The following EHF variants were observed in gnomAD, a reference collection of about 807,000 sequenced individuals.
EHF encodes the protein ETS homologous factor.
In EHF, 14 loss-of-function variants were observed where a neutral mutation model predicts 45.1. The observed-to-expected ratio is 0.31, with a 90% CI of 0.21 to 0.49. The LOEUF is 0.49. Among genes scored for constraint, EHF ranks in the 20% least tolerant of loss-of-function variants. EHF has a pLI of 0.99. For missense variants in EHF, 282 were observed against 371.4 expected, an observed-to-expected ratio of 0.76 and a Z score of 1.98; for synonymous variants, 136 against 131.8, an observed-to-expected ratio of 1.03 and a Z score of -0.22.
chr11:34,655,884 G>A (rs1448450308), intron 6 of EHF, among the ~76,000 whole-genome samples: 1 of 152,120 alleles, frequency 6.6e-6, no homozygotes, highest in Admixed American at 6.5e-5. Flanking sequence ...GGCCCTTGAA[G>A]GCCACACTGG....
chr11:34,648,199 T>A (rs1158881528), intron 3 of EHF, among the ~76,000 whole-genome samples: 2 of 152,198 alleles, frequency 1.3e-5, no homozygotes, highest in African/African-American at 4.8e-5. Context: ...ATTAATTCAT[T>A]TAATAACTTT....
At chr11:34,628,514 A>C (rs1852576257) in intron 1 of EHF, among the ~76,000 whole-genome samples, 1 of 152,246 alleles carries the variant, frequency 6.6e-6, no homozygotes, top group Non-Finnish European at 1.5e-5. Context: ...ACTTCTGAAC[A>C]GCGCCAGTTG....
At position 34,646,588 on chromosome 11, in the gene EHF, G is replaced by A. The variant is rs752129352; in HGVS notation, c.247G>A (p.Glu83Lys). 9.3e-6 allele frequency: 15 copies of A among 1,613,586 alleles called. No homozygotes were observed. Among genetic ancestry groups the A allele is most frequent in the East Asian group, 2.2e-5 (1 of 44,886 alleles). The change falls in exon 3 of 9, where the codon GAG becomes AAG. Residue 83 changes from glutamate to lysine, a missense_variant. By Grantham distance (56) the Glu-to-Lys change is moderately conservative. Transcript: ENST00000257831. Reference protein sequence around the residue: ...IPFQEFDINGEHLCSMSLQEF... With the variant: ...IPFQEFDINGKHLCSMSLQEF... ...TTTCCAAGAGTTCGACATCAACGGCGAGCACCTCTGCAGCATGAGTTTGCA... is the reference window on the plus strand; with the variant it reads ...TTTCCAAGAGTTCGACATCAACGGCAAGCACCTCTGCAGCATGAGTTTGCA...
chr11:34,628,523 TGATA>T (rs1483830121), intron 1 of EHF, among the ~76,000 whole-genome samples: 1 of 152,170 alleles, frequency 6.6e-6, no homozygotes, highest in Non-Finnish European at 1.5e-5. Context: ...CAGCGCCAGT[TGATA>T]GATGTTCTCT....
chr11:34,637,067 A>G (rs2134057087), intron 1 of EHF, among the ~76,000 whole-genome samples: 1 of 149,758 alleles, frequency 6.7e-6, no homozygotes, highest in East Asian at 2.0e-4. Flanking sequence ...CGGCACTACT[A>G]GGCTGCTTTT....
intron 2 of EHF, 97 bp from the exon 3 acceptor site, chr11:34,646,342 C>T: frequency 6.4e-7 from 1 of 1,564,812 alleles, no homozygotes; most frequent in South Asian, 1.2e-5. Context: ...GTGGTTGTGT[C>T]TCTGAGATAT....
At position 34,630,329 on chromosome 11, in the gene EHF, C is replaced by T. The variant is rs1852758886; in HGVS notation, c.-4+9101C>T. On this transcript the variant is annotated intron_variant, in intron 1 of 8. Coordinates refer to ENST00000257831, the MANE Select transcript of EHF (RefSeq NM_012153.6). ...TTTAGAAAAGTTGCTTAACCTCTCT[C>T]TGTAAAATGGTGCTTATATTAGTAC... 3.9e-5 allele frequency among the ~76,000 whole-genome samples: 6 copies of T among 152,100 alleles called. No homozygotes were observed. In the South Asian group the frequency reaches 1.0e-3, roughly 26 times the overall value.
chr11:34,638,915 G>A (rs1853713658), intron 1 of EHF, among the ~76,000 whole-genome samples: 1 of 152,198 alleles, frequency 6.6e-6, no homozygotes, highest in Non-Finnish European at 1.5e-5. Flanking sequence ...AATAAAATGT[G>A]TTAGAGGAAC....
At chr11:34,650,312 G>A (rs1052184615) in intron 4 of EHF, among the ~76,000 whole-genome samples, 1 of 152,142 alleles carries the variant, frequency 6.6e-6, no homozygotes, top group African/African-American at 2.4e-5. Context: ...TCATAGAGGG[G>A]CCAACACCCC....
At chr11:34,621,871 C>T (rs1852010565) in intron 1 of EHF, among the ~76,000 whole-genome samples, 1 of 152,194 alleles carries the variant, frequency 6.6e-6, no homozygotes, top group Non-Finnish European at 1.5e-5. Flanking sequence ...TGGCAAAGGG[C>T]TTCACTGTAT....
At chr11:34,629,339 C>T (rs969849765) in intron 1 of EHF, among the ~76,000 whole-genome samples, 1 of 152,112 alleles carries the variant, frequency 6.6e-6, no homozygotes, top group Non-Finnish European at 1.5e-5. Flanking sequence ...CTACGTAAAC[C>T]AGTGAGCCAG....
chr11:34,643,971 G>C (rs972258379), intron 2 of EHF, among the ~76,000 whole-genome samples: 3 of 152,174 alleles, frequency 2.0e-5, no homozygotes, highest in Non-Finnish European at 2.9e-5. Flanking sequence ...AGACTGAAGA[G>C]GAAAAGGAGA....
At chr11:34,649,227 C>A in intron 4 of EHF, 146 bp downstream of exon 4, 1 of 753,796 alleles carries the variant, frequency 1.3e-6, no homozygotes, top group Non-Finnish European at 2.2e-6. Context: ...ATGGGCCACC[C>A]CCACCATGAA....
Position 34,651,731 on chromosome 11 carries a change from C to T in EHF, c.476-6C>T. On this transcript the variant is annotated splice_region_variant and splice_polypyrimidine_tract_variant and intron_variant, in intron 5 of 8. Transcript: ENST00000257831. Reference sequence around the variant, plus strand: ...CTAAATGTCCTTTATCTTTTCATGGCCACAGATTTGTTGGACAGCAAAACT... The same window carrying T: ...CTAAATGTCCTTTATCTTTTCATGGTCACAGATTTGTTGGACAGCAAAACT... 1 of 1,613,934 alleles carries T rather than the reference C, an allele frequency of 6.2e-7. No individual in the cohort carries two copies. Among genetic ancestry groups the T allele is most frequent in the Non-Finnish European group, 8.5e-7 (1 of 1,179,906 alleles).
At chr11:34,622,632 A>C (rs1422671141) in intron 1 of EHF, among the ~76,000 whole-genome samples, 1 of 152,140 alleles carries the variant, frequency 6.6e-6, no homozygotes, top group Non-Finnish European at 1.5e-5. Context: ...TGAAGTTTGC[A>C]GAGGATCCAC....
intron 1 of EHF, chr11:34,632,599 C>T: frequency 1.3e-6 from 2 of 1,535,470 alleles, no homozygotes; most frequent in Non-Finnish European, 1.7e-6. Flanking sequence ...CATGGGGTTG[C>T]CGGAGAGAAG....
chr11:34,661,810 T>C lies in EHF; in HGVS notation c.*2879T>C, dbSNP rs546489605. 6.6e-6 allele frequency among the ~76,000 whole-genome samples: 1 copy of C among 152,256 alleles called. No individual in the cohort carries two copies. The highest frequency in any genetic ancestry group is 1.9e-4 in the East Asian group (1 of 5,184). On this transcript the variant is annotated 3_prime_UTR_variant, in exon 9 of 9. Transcript: ENST00000257831. ...TGAATGTCCACATGGTCACTAAACA[T>C]GTTATCCTTAAACCCCCCGTATGCC... is the stretch of plus-strand genomic sequence containing the variant.
chr11:34,638,146 C>T (rs1426253565), intron 1 of EHF, among the ~76,000 whole-genome samples: 1 of 152,252 alleles, frequency 6.6e-6, no homozygotes, highest in Non-Finnish European at 1.5e-5. Context: ...AAGTCATCCA[C>T]CCGCCTCGGC....
intron 1 of EHF, among the ~76,000 whole-genome samples, chr11:34,634,885 C>T (rs1443196407): frequency 6.6e-6 from 1 of 152,196 alleles, no homozygotes; most frequent in African/African-American, 2.4e-5. Context: ...AAAGCACCCT[C>T]TTCTCAGCAG....
Sources: gnomAD v4.1 joint callset for allele counts (sites outside exome capture counted in the v4.1 genomes callset) on GRCh38, gnomAD v4.1.1 for gene constraint, MANE v1.5 for transcripts, NCBI Gene and HGNC (gene_info 2026-07-23, HGNC 2026-07-21) for gene names.